ACYP2: variants seen among roughly 807,000 people sequenced by gnomAD.
The protein encoded by ACYP2 is acylphosphatase 2.
In ACYP2, 12 loss-of-function variants were observed where a neutral mutation model predicts 11.2. The observed-to-expected ratio is 1.08, with a 90% CI of 0.69 to 1.74. The LOEUF is 1.74. ACYP2 is among the 40% of genes most tolerant of loss of function. The pLI, the probability that ACYP2 is intolerant of heterozygous loss-of-function variation, is 0.00. For missense variants in ACYP2, 134 were observed against 101.9 expected (o/e 1.31, Z -1.35); for synonymous variants, 43 against 32.2 (o/e 1.33, Z -1.13).
intron 6 of ACYP2, among the ~76,000 whole-genome samples, chr2:54,154,853 A>C (rs55994902): frequency 0.23 from 35,237 of 152,124 alleles, 3,974 homozygotes; most frequent in East Asian, 0.31. Context: ...GATTGATATT[A>C]GTTTAAATGT....
chr2:54,240,812 A>G (rs972531944), intron 6 of ACYP2, among the ~76,000 whole-genome samples: 1 of 152,162 alleles, frequency 6.6e-6, no homozygotes, highest in African/African-American at 2.4e-5. Context: ...GACCCAGACT[A>G]TGTTTTCCTT....
At chr2:54,273,622 G>A (rs142019616) in intron 6 of ACYP2, among the ~76,000 whole-genome samples, 142 of 152,020 alleles carry the variant, frequency 9.3e-4, no homozygotes, top group Middle Eastern at 6.8e-3. Context: ...CCACCACTAC[G>A]CCCATCTAAT....
chr2:54,070,556 C>A, intron 4 of ACYP2, among the ~76,000 whole-genome samples: 1 of 152,150 alleles, frequency 6.6e-6, no homozygotes, highest in Non-Finnish European at 1.5e-5. Flanking sequence ...GAATCCTCAA[C>A]CCCAGAGTTA....
At chr2:54,202,405 CTTTTT>C (rs61634500) in intron 6 of ACYP2, among the ~76,000 whole-genome samples, 3,562 of 116,336 alleles carry the variant, frequency 0.031, 145 homozygotes, top group African/African-American at 0.12. Context: ...CTGTGCCTGG[CTTTTT>C]TTTTTTTTTT....
intron 6 of ACYP2, among the ~76,000 whole-genome samples, chr2:54,146,799 C>CT (rs112108365): frequency 0.011 from 1,510 of 143,750 alleles, 30 homozygotes; most frequent in African/African-American, 0.03. Context: ...TGCATTGTCT[C>CT]TTTTTTTTTT....
chr2:54,048,029 A>G (rs937354884), intron 2 of ACYP2, among the ~76,000 whole-genome samples: 3 of 152,176 alleles, frequency 2.0e-5, no homozygotes, highest in Admixed American at 6.5e-5. Flanking sequence ...AAGCATTGTA[A>G]CCTTGGGCTT....
intron 2 of ACYP2, among the ~76,000 whole-genome samples, chr2:53,992,163 CCTA>C (rs1219563080): frequency 3.4e-5 from 5 of 146,642 alleles, no homozygotes; most frequent in African/African-American, 1.3e-4. Flanking sequence ...TTCCTTCCTT[CCTA>C]CTTTTTTTCT....
Position 54,304,673 on chromosome 2 carries a change from T to TC in ACYP2, c.405-14dup. 1.3e-6 allele frequency: 2 copies of TC among 1,575,534 alleles called. No individual in the cohort carries two copies. The highest frequency in any genetic ancestry group is 4.5e-5 in the East Asian group (2 of 44,640). ...TTTGTATGCTAATTTTATTTATTTA[T>TC]CTGTTTTTTTATAGGAAGTCCTGGC... is the stretch of plus-strand genomic sequence containing the variant. On this transcript the variant is annotated splice_polypyrimidine_tract_variant and intron_variant, in intron 6 of 6. Coordinates refer to ENST00000607452, the MANE Select transcript of ACYP2 (RefSeq NM_001320586.2).
At chr2:53,987,075 A>C (rs768700147) in intron 2 of ACYP2, among the ~76,000 whole-genome samples, 1 of 152,218 alleles carries the variant, frequency 6.6e-6, no homozygotes, top group Non-Finnish European at 1.5e-5. Context: ...TTGAAGCAAA[A>C]TCAGACACAC....
intron 4 of ACYP2, among the ~76,000 whole-genome samples, chr2:54,121,184 G>A (rs572389902): frequency 8.5e-5 from 13 of 152,274 alleles, no homozygotes; most frequent in African/African-American, 2.4e-4. Flanking sequence ...AAAAGCTCTC[G>A]ATAAAGAGAG....
intron 2 of ACYP2, among the ~76,000 whole-genome samples, chr2:53,977,565 T>A (rs1256130311): frequency 6.6e-6 from 1 of 151,718 alleles, no homozygotes; most frequent in East Asian, 2.0e-4. Context: ...AAACCCCATG[T>A]CTACTAAAAA....
Position 54,126,062 on chromosome 2 carries a change from C to T in ACYP2, c.278-9391C>T, listed in dbSNP as rs111971451. ...CACCACTGCACTCCAGCCTGGGCGA[C>T]AGAGAGAGACTCCGACTCAAAAAAA... is the stretch of plus-strand genomic sequence containing the variant. On this transcript the variant is annotated intron_variant, in intron 4 of 6. Transcript: ENST00000607452. Among the ~76,000 whole-genome samples the T allele has an allele frequency of 8.0e-4, 121 of 152,126 alleles. 1 individual carries two copies. Among genetic ancestry groups the T allele is most frequent in the African/African-American group, 2.7e-3 (110 of 41,490 alleles).
At chr2:54,262,064 TAGAA>T (rs775309046) in intron 6 of ACYP2, among the ~76,000 whole-genome samples, 3 of 152,208 alleles carry the variant, frequency 2.0e-5, no homozygotes, top group East Asian at 1.9e-4. Flanking sequence ...GTAGCACTCA[TAGAA>T]AGAAAATATA....
rs548727386 is a variant in ACYP2, at chr2:54,242,650, A to T, written c.405-62038A>T. Reference sequence around the variant, plus strand: ...TTTTATGTTTAGATACACAAATGTCATTGTGTTACAGTTGCCTACACTATT... The same window carrying T: ...TTTTATGTTTAGATACACAAATGTCTTTGTGTTACAGTTGCCTACACTATT... On this transcript the variant is annotated intron_variant, in intron 6 of 6. Transcript: ENST00000607452. 2.6e-5 allele frequency among the ~76,000 whole-genome samples: 4 copies of T among 152,342 alleles called. No individual in the cohort carries two copies. In the South Asian group the frequency reaches 8.3e-4, roughly 32 times the overall value.
intron 6 of ACYP2, among the ~76,000 whole-genome samples, chr2:54,213,186 T>G (rs1387345541): frequency 6.6e-6 from 1 of 152,128 alleles, no homozygotes; most frequent in East Asian, 1.9e-4. Flanking sequence ...GAGAGAACAT[T>G]GGTATTTGGT....
chr2:54,061,718 C>G (rs911830744), intron 4 of ACYP2, among the ~76,000 whole-genome samples: 1 of 152,118 alleles, frequency 6.6e-6, no homozygotes, highest in African/African-American at 2.4e-5. Flanking sequence ...CAAATGGCCA[C>G]AAGCAGAGTG....
intron 6 of ACYP2, among the ~76,000 whole-genome samples, chr2:54,242,354 G>A (rs1289740844): frequency 1.3e-5 from 2 of 152,200 alleles, no homozygotes; most frequent in Non-Finnish European, 2.9e-5. Context: ...GTCCTGTGAC[G>A]TCAACTGAAG....
In ACYP2 at chr2:54,237,807, G is replaced by A. The variant is rs570762159; in HGVS notation, c.405-66881G>A. On this transcript the variant is annotated intron_variant, in intron 6 of 6. Coordinates refer to ENST00000607452, the MANE Select transcript of ACYP2 (RefSeq NM_001320586.2). ...TTTGGCCAATTTTTGCAAAGTCTCAGTCATTATCTTCTTGAATATGCCTCT... is the reference window on the plus strand; with the variant it reads ...TTTGGCCAATTTTTGCAAAGTCTCAATCATTATCTTCTTGAATATGCCTCT... 2.0e-5 allele frequency among the ~76,000 whole-genome samples: 3 copies of A among 152,266 alleles called. No homozygotes were observed. In the East Asian group the frequency reaches 5.8e-4, roughly 29 times the overall value.
chr2:54,091,027 A>G (rs998528895), intron 4 of ACYP2, among the ~76,000 whole-genome samples: 1 of 152,296 alleles, frequency 6.6e-6, no homozygotes, highest in African/African-American at 2.4e-5. Flanking sequence ...TTTAAAATAC[A>G]TTTTTCTATT....
Sources: allele counts gnomAD v4.1 joint callset (sites outside exome capture counted in the v4.1 genomes callset), GRCh38; gene constraint gnomAD v4.1.1; transcripts MANE v1.5; gene names NCBI Gene and HGNC (gene_info 2026-07-23, HGNC 2026-07-21).